The following L1TD1 variants were observed in gnomAD, a reference collection of about 807,000 sequenced individuals.
L1TD1 encodes LINE-1 type transposase domain-containing protein 1.
Under a neutral mutation model 25.7 loss-of-function variants are expected in L1TD1, and 26 were observed. The ratio of observed to expected loss-of-function variants is 1.01; its 90% CI spans 0.74 to 1.40. L1TD1 has a LOEUF of 1.40. L1TD1 is among the 40% of genes most tolerant of loss of function. The pLI is 0.00. For synonymous variants in L1TD1, 421 were observed against 335.6 expected, an observed-to-expected ratio of 1.25 and a Z score of -2.78; for missense variants, 1,130 against 975.0, an observed-to-expected ratio of 1.16 and a Z score of -2.12.
chr1:62,201,175 C>G, intron 2 of L1TD1, among the ~76,000 whole-genome samples: 1 of 152,064 alleles, frequency 6.6e-6, no homozygotes, highest in South Asian at 2.1e-4. Flanking sequence ...GTGATCTGCC[C>G]TCCTCAACTT....
intron 2 of L1TD1, among the ~76,000 whole-genome samples, chr1:62,196,880 C>T (rs1670552993): frequency 6.6e-6 from 1 of 151,948 alleles, no homozygotes; most frequent in African/African-American, 2.4e-5. Flanking sequence ...GCGTGAGTCA[C>T]TGCGCCTGGA....
Position 62,207,347 on chromosome 1 carries a change from G to C in L1TD1, c.719G>C (p.Gly240Ala). 6.4e-7 allele frequency: 1 copy of C among 1,551,418 alleles called. No homozygotes were observed. The highest frequency in any genetic ancestry group is 8.7e-7 in the Non-Finnish European group (1 of 1,146,920). The change falls in exon 3 of 4, where the codon GGA (glycine) becomes GCA (alanine). Residue 240 changes from glycine to alanine, a missense_variant. Gly to Ala is a moderately conservative substitution (Grantham distance 60). Coordinates refer to ENST00000498273, the MANE Select transcript of L1TD1 (RefSeq NM_019079.5). ...GAAGAAAAAGTGTTGATGGATGAAG[G>C]AGCAGTACTTACCCTGGTAGCCGAC... ...SREEKVLMDE[G>A]AVLTLVADLS...
Position 62,211,296 on chromosome 1 carries a change from T to A in L1TD1, c.2522T>A (p.Leu841His), listed in dbSNP as rs781747503. 6.2e-7 allele frequency: 1 copy of A among 1,613,350 alleles called. No individual in the cohort carries two copies. The highest frequency in any genetic ancestry group is 8.5e-7 in the Non-Finnish European group (1 of 1,179,734). ...FDFRGKTKVF[L>H]SIEEFRDYVL... The stretch of plus-strand genomic sequence containing the variant: ...TTTAGGGGTAAAACAAAGGTATTTC[T>A]TAGTATTGAAGAATTTAGAGATTAT... The change falls in exon 4 of 4, where the codon CTT (leucine) becomes CAT (histidine). Residue 841 changes from leucine (L) to histidine (H), a missense_variant. Coordinates refer to ENST00000498273, the MANE Select transcript of L1TD1 (RefSeq NM_019079.5).
rs775805713 is a variant in L1TD1, at chr1:62,210,449, T to C, written c.1675T>C (p.Ser559Pro). 1 of 1,614,104 alleles carries C rather than the reference T, an allele frequency of 6.2e-7. No individual in the cohort carries two copies. The highest frequency in any genetic ancestry group is 1.7e-4 in the Middle Eastern group (1 of 6,046). ...PCLTLCLASPSKSLEMSHDEH... is the reference protein window; with the variant it reads ...PCLTLCLASPPKSLEMSHDEH... The stretch of plus-strand genomic sequence containing the variant: ...TCTGACCTTATGTTTGGCCTCTCCC[T>C]CAAAGTCACTAGAGATGAGTCATGA... Residue 559 changes from serine to proline, a missense_variant, in exon 4 of 4, where the codon TCA becomes CCA. Ser to Pro is a moderately conservative substitution (Grantham distance 74). Transcript: ENST00000498273.
intron 2 of L1TD1, 62 bp downstream of exon 2, chr1:62,196,590 G>C (rs1482402624): frequency 1.3e-5 from 2 of 151,694 alleles, no homozygotes; most frequent in Admixed American, 6.6e-5. Context: ...GTGGGGTTGG[G>C]GTGGGGTATT....
chr1:62,202,485 A>G (rs1036044773), intron 2 of L1TD1, among the ~76,000 whole-genome samples: 2 of 150,974 alleles, frequency 1.3e-5, no homozygotes, highest in Non-Finnish European at 2.9e-5. Context: ...CTTTGTGATA[A>G]ATGAGTGCCG....
intron 3 of L1TD1, 44 bp from the exon 4 acceptor site, chr1:62,209,739 T>G: frequency 7.3e-7 from 1 of 1,369,944 alleles, no homozygotes; most frequent in Non-Finnish European, 9.9e-7. Context: ...AGACAAATGA[T>G]TTAAACAAAT....
At chr1:62,200,466 T>C (rs1337268728) in intron 2 of L1TD1, among the ~76,000 whole-genome samples, 1 of 152,140 alleles carries the variant, frequency 6.6e-6, no homozygotes, top group Non-Finnish European at 1.5e-5. Context: ...CCACTGTGCC[T>C]GGCCATAATG....
Position 62,211,513 on chromosome 1 carries a change from A to G in L1TD1, c.*141A>G. 1 of 1,363,372 alleles carries G rather than the reference A, an allele frequency of 7.3e-7. No individual in the cohort carries two copies. Among genetic ancestry groups the G allele is most frequent in the Non-Finnish European group, 9.8e-7 (1 of 1,023,320 alleles). The allele number at this position is 1,363,372 out of a possible 1,614,324, so 84.5% of individuals were successfully genotyped here. On this transcript the variant is annotated 3_prime_UTR_variant, in exon 4 of 4. Transcript: ENST00000498273. The stretch of plus-strand genomic sequence containing the variant: ...GGGGATGAGGAGCAAGGAATATTAC[A>G]GATATTACCTAGATGTTAATAAAGG...
chr1:62,203,410 G>A (rs1670679039), intron 2 of L1TD1, among the ~76,000 whole-genome samples: 2 of 151,732 alleles, frequency 1.3e-5, no homozygotes, highest in South Asian at 4.2e-4. Context: ...CCAGGCTCTG[G>A]TAACTATCAT....
chr1:62,205,582 C>T (rs1467907047), intron 2 of L1TD1, among the ~76,000 whole-genome samples: 8 of 150,998 alleles, frequency 5.3e-5, no homozygotes, highest in Non-Finnish European at 1.0e-4. Context: ...CAGGCACGTG[C>T]CACCATACCT....
In L1TD1 at chr1:62,210,962, G is replaced by A. The variant is rs1382880904; in HGVS notation, c.2188G>A (p.Ala730Thr). ...IIKEIIDENF[A>T]ELKKGSSLEI... is the part of the protein sequence containing the mutation. ...TAAAGAAATAATTGATGAAAACTTT[G>A]CAGAACTAAAGAAAGGTTCAAGTCT... is the stretch of plus-strand genomic sequence containing the variant. Residue 730 changes from alanine to threonine, a missense_variant, in exon 4 of 4, where the codon GCA becomes ACA. By Grantham distance (58) the Ala-to-Thr change is moderately conservative (BLOSUM62 0). Coordinates refer to ENST00000498273, the MANE Select transcript of L1TD1 (RefSeq NM_019079.5). 6 of 1,545,490 alleles carry A rather than the reference G, an allele frequency of 3.9e-6. No homozygotes were observed. The highest frequency in any genetic ancestry group is 5.2e-6 in the Non-Finnish European group (6 of 1,145,614).
Position 62,211,043 on chromosome 1 carries a change from C to A in L1TD1, c.2269C>A (p.Pro757Thr), listed in dbSNP as rs1178776506. ...TAAAATTGATGAAAAGAGACTGACTCCTAGACACATCTTGGTGAAATTTTG... is the reference window on the plus strand; with the variant it reads ...TAAAATTGATGAAAAGAGACTGACTACTAGACACATCTTGGTGAAATTTTG... ...PSKIDEKRLT[P>T]RHILVKFWNS... The change falls in exon 4 of 4, where the codon CCT (proline) becomes ACT (threonine). Residue 757 changes from proline (P) to threonine (T), a missense_variant. Physicochemically the swap from Pro to Thr is conservative, Grantham distance 38. Coordinates refer to ENST00000498273, the MANE Select transcript of L1TD1 (RefSeq NM_019079.5). The A allele has an allele frequency of 1.3e-6, 2 of 1,550,874 alleles. No individual in the cohort carries two copies. The highest frequency in any genetic ancestry group is 1.7e-6 in the Non-Finnish European group (2 of 1,146,860).
rs541610555 is a variant in L1TD1 at position 62,200,238 on chromosome 1, G to A, written c.-111+3710G>A. Among the ~76,000 whole-genome samples, 35 of 152,206 alleles carry A rather than the reference G, an allele frequency of 2.3e-4. No homozygotes were observed. The South Asian group carries it at 6.4e-3, about 28-fold the overall frequency. ...GTTGCCCAGGTTGGAGTGCAATGGCGTGGTCTCAGCTCACTGCAACCTCCG... is the reference window on the plus strand; with the variant it reads ...GTTGCCCAGGTTGGAGTGCAATGGCATGGTCTCAGCTCACTGCAACCTCCG... On this transcript the variant is annotated intron_variant, in intron 2 of 3. Coordinates refer to ENST00000498273, the MANE Select transcript of L1TD1 (RefSeq NM_019079.5).
At chr1:62,205,441 A>ATTTTTTTTTTTTTTTTTTTTTTTTTT (rs1447667211) in intron 2 of L1TD1, among the ~76,000 whole-genome samples, 2 of 53,880 alleles carry the variant, frequency 3.7e-5, no homozygotes, top group African/African-American at 1.3e-4. Context: ...ATATATATAT[A>ATTTTTTTTTTTTTTTTTTTTTTTTTT]TATTTTTTTT....
intron 3 of L1TD1, among the ~76,000 whole-genome samples, chr1:62,208,900 C>T (rs1201733679): frequency 6.6e-6 from 1 of 152,208 alleles, no homozygotes; most frequent in East Asian, 1.9e-4. Flanking sequence ...AAAAGGTACA[C>T]TTGAATCAAC....
At chr1:62,205,420 TA>T (rs1670722508) in intron 2 of L1TD1, among the ~76,000 whole-genome samples, 1 of 16,056 alleles carries the variant, frequency 6.2e-5, no homozygotes. Flanking sequence ...TCTCTCTCTA[TA>T]TATATATATA....
At chr1:62,205,389 T>TCTCTCTCTC (rs1670718755) in intron 2 of L1TD1, among the ~76,000 whole-genome samples, 13 of 60,288 alleles carry the variant, frequency 2.2e-4, no homozygotes, top group African/African-American at 8.7e-4. Flanking sequence ...CTCTCTCTCT[T>TCTCTCTCTC]TCTCTCTCTC....
chr1:62,209,188 G>T (rs1670810114), intron 3 of L1TD1, among the ~76,000 whole-genome samples: 1 of 152,182 alleles, frequency 6.6e-6, no homozygotes, highest in South Asian at 2.1e-4. Context: ...GTGGCAATCG[G>T]GCCAGGGTTT....
Sources: allele counts gnomAD v4.1 joint callset (sites outside exome capture counted in the v4.1 genomes callset), GRCh38; gene constraint gnomAD v4.1.1; transcripts MANE v1.5; gene names NCBI Gene and HGNC (gene_info 2026-07-23, HGNC 2026-07-21).